The following MEI4 variants were observed in gnomAD, a reference collection of about 807,000 sequenced individuals.
The protein encoded by MEI4 is meiosis-specific protein MEI4.
In MEI4, 27 loss-of-function variants were observed where a neutral mutation model predicts 31.4. That is an observed-to-expected ratio of 0.86 (90% CI 0.63 to 1.19). The LOEUF is 1.19. Among genes scored for constraint, MEI4 ranks in the 50% most tolerant of loss-of-function variants. The pLI is 0.00. For synonymous variants in MEI4, 122 were observed against 145.4 expected, an observed-to-expected ratio of 0.84 and a Z score of 1.16; for missense variants, 329 against 398.9, an observed-to-expected ratio of 0.82 and a Z score of 1.49.
chr6:77,887,445 G>A (rs569147162), intron 4 of MEI4, among the ~76,000 whole-genome samples: 24 of 151,582 alleles, frequency 1.6e-4, no homozygotes, highest in East Asian at 3.9e-4. Flanking sequence ...TACAGGCATC[G>A]CCCACCACAC....
rs35429284 is a variant in MEI4 at position 77,671,054 on chromosome 6, G to GTTTT, written c.-15+17980_-15+17983dup. On this transcript the variant is annotated intron_variant, in intron 1 of 4. Transcript: ENST00000684080. ...ACAGTTGGCAAATTTGTGAATTGTT[G>GTTTT]TTTTTTTTTTTTTTTTTTTTTGAGA... is the stretch of plus-strand genomic sequence containing the variant. Among the ~76,000 whole-genome samples the GTTTT allele has an allele frequency of 2.1e-3, 237 of 110,338 alleles. 1 individual carries two copies. The highest frequency in any genetic ancestry group is 4.0e-3 in the East Asian group (14 of 3,516). The allele number at this position is 110,338 out of a possible 152,430, so 72.4% of individuals were successfully genotyped here.
chr6:77,730,424 G>C (rs1449585874), intron 2 of MEI4, among the ~76,000 whole-genome samples: 6 of 151,870 alleles, frequency 4.0e-5, no homozygotes, highest in Admixed American at 3.9e-4. Context: ...GTTAGGAAAC[G>C]GAATTAGGAC....
chr6:77,780,637 A>G (rs1003457412), intron 3 of MEI4, among the ~76,000 whole-genome samples: 4 of 152,092 alleles, frequency 2.6e-5, no homozygotes, highest in African/African-American at 9.7e-5. Context: ...CTAATCTGTT[A>G]ATTAATCTAC....
intron 2 of MEI4, among the ~76,000 whole-genome samples, chr6:77,747,655 C>A (rs1160644688): frequency 6.6e-6 from 1 of 152,120 alleles, no homozygotes; most frequent in Non-Finnish European, 1.5e-5. Flanking sequence ...GGACACAGAG[C>A]CAAACCATAT....
chr6:77,699,331 A>T (rs1480976804), intron 2 of MEI4, among the ~76,000 whole-genome samples: 1 of 151,420 alleles, frequency 6.6e-6, no homozygotes, highest in Non-Finnish European at 1.5e-5. Context: ...CTGGGACTAC[A>T]GGCGCCTGCC....
At chr6:77,888,328 C>CTT (rs1432689449) in intron 4 of MEI4, among the ~76,000 whole-genome samples, 1 of 113,654 alleles carries the variant, frequency 8.8e-6, no homozygotes. Context: ...TTTGTATATC[C>CTT]TTTTTCTTTT....
intron 4 of MEI4, among the ~76,000 whole-genome samples, chr6:77,918,676 A>G (rs1455025539): frequency 4.7e-5 from 7 of 148,676 alleles, no homozygotes; most frequent in South Asian, 2.1e-4. Context: ...GGGCTGAGAC[A>G]ATGGGGTTTT....
intron 2 of MEI4, among the ~76,000 whole-genome samples, chr6:77,704,024 G>A (rs1035894528): frequency 6.6e-6 from 1 of 152,156 alleles, no homozygotes; most frequent in Non-Finnish European, 1.5e-5. Context: ...GATACAGAAG[G>A]AAGAGGATAA....
intron 3 of MEI4, among the ~76,000 whole-genome samples, chr6:77,789,398 T>G (rs2127694944): frequency 6.6e-6 from 1 of 152,056 alleles, no homozygotes. Flanking sequence ...AGCCAAAATT[T>G]ACAAATGGGA....
At chr6:77,743,448 T>C (rs966989874) in intron 2 of MEI4, among the ~76,000 whole-genome samples, 2 of 152,176 alleles carry the variant, frequency 1.3e-5, no homozygotes, top group Non-Finnish European at 2.9e-5. Context: ...ATAAGAATGC[T>C]TGTGATTTTT....
At chr6:77,671,777 G>A (rs1768746304) in intron 1 of MEI4, among the ~76,000 whole-genome samples, 1 of 152,164 alleles carries the variant, frequency 6.6e-6, no homozygotes. Flanking sequence ...AATGAACAGG[G>A]CAGGGGAGGC....
rs1459897368 is a variant in MEI4, at chr6:77,923,723, A to T, written c.*377A>T. 2.0e-5 allele frequency: 3 copies of T among 153,448 alleles called. No homozygotes were observed. Among genetic ancestry groups the T allele is most frequent in the African/African-American group, 7.2e-5 (3 of 41,402 alleles). 9.5% of individuals were successfully genotyped at this position (153,448 alleles called of 1,614,324 possible). A position where few individuals can be genotyped will look rare whatever the true frequency, so the allele number is the denominator to read the frequency against. Reference sequence around the variant, plus strand: ...ATGGTAATCAAAGAAAGAGATTTTTAAAGAAGTTTAGTTGCATTATCAACA... The same window carrying T: ...ATGGTAATCAAAGAAAGAGATTTTTTAAGAAGTTTAGTTGCATTATCAACA... On this transcript the variant is annotated 3_prime_UTR_variant, in exon 5 of 5. Coordinates refer to ENST00000684080, the MANE Select transcript of MEI4 (RefSeq NM_001322247.2).
At chr6:77,846,666 A>G (rs1162403796) in intron 4 of MEI4, among the ~76,000 whole-genome samples, 1 of 152,202 alleles carries the variant, frequency 6.6e-6, no homozygotes, top group Non-Finnish European at 1.5e-5. Context: ...CTAAGGCACC[A>G]GTAAAACCCA....
At chr6:77,801,252 T>C (rs1769247744) in intron 3 of MEI4, among the ~76,000 whole-genome samples, 1 of 152,238 alleles carries the variant, frequency 6.6e-6, no homozygotes, top group Non-Finnish European at 1.5e-5. Flanking sequence ...TTTATCCATT[T>C]CTTCTAGATT....
intron 1 of MEI4, among the ~76,000 whole-genome samples, chr6:77,664,358 T>C (rs1768578804): frequency 6.6e-6 from 1 of 152,142 alleles, no homozygotes; most frequent in Non-Finnish European, 1.5e-5. Context: ...GTGGGCTGGA[T>C]TTTTATATTT....
At position 77,672,738 on chromosome 6, in the gene MEI4, C is replaced by T. The variant is rs139432768; in HGVS notation, c.-14-17920C>T. 0.019 allele frequency among the ~76,000 whole-genome samples: 2,943 copies of T among 152,230 alleles called. 206 individuals are homozygous for T. The East Asian group carries it at 0.22, about 12-fold the overall frequency. On this transcript the variant is annotated intron_variant, in intron 1 of 4. Coordinates refer to ENST00000684080, the MANE Select transcript of MEI4 (RefSeq NM_001322247.2). Reference sequence around the variant, plus strand: ...TATTTTTAGTAGAGACAGGGTTTCACCTTGGTGGCCAGACTGGTCTCGAAC... The same window carrying T: ...TATTTTTAGTAGAGACAGGGTTTCATCTTGGTGGCCAGACTGGTCTCGAAC...
chr6:77,823,333 G>T (rs1276210336), intron 3 of MEI4, among the ~76,000 whole-genome samples: 3 of 152,248 alleles, frequency 2.0e-5, no homozygotes, highest in Non-Finnish European at 2.9e-5. Context: ...GAAATTTTAA[G>T]AATTTTTTAA....
intron 4 of MEI4, among the ~76,000 whole-genome samples, chr6:77,883,745 A>ATATATATATATATATATATCT (rs55947073): frequency 1.2e-5 from 1 of 82,302 alleles, no homozygotes; most frequent in East Asian, 6.0e-4. Context: ...TATATATATA[A>ATATATATATATATATATATCT]CTTTGTCTTT....
intron 1 of MEI4, among the ~76,000 whole-genome samples, chr6:77,656,043 T>C (rs1437202322): frequency 6.6e-6 from 1 of 152,164 alleles, no homozygotes; most frequent in African/African-American, 2.4e-5. Flanking sequence ...TCTTTAATTC[T>C]TCCTTCTGAT....
Sources: allele counts gnomAD v4.1 joint callset (sites outside exome capture counted in the v4.1 genomes callset), GRCh38; gene constraint gnomAD v4.1.1; transcripts MANE v1.5; gene names NCBI Gene and HGNC (gene_info 2026-07-23, HGNC 2026-07-21).